SETD1A: variants seen among roughly 807,000 people sequenced by gnomAD.
SETD1A encodes the protein histone-lysine N-methyltransferase SETD1A.
Under a neutral mutation model 149.9 loss-of-function variants are expected in SETD1A, and 29 were observed. That is an observed-to-expected ratio of 0.19 (90% CI 0.14 to 0.26). The LOEUF is 0.26. Ranked by LOEUF, SETD1A falls within the 10% of genes least tolerant of loss-of-function variation. The pLI, the probability that SETD1A is intolerant of heterozygous loss-of-function variation, is 1.00. For synonymous variants in SETD1A, 1,141 were observed against 968.5 expected, an observed-to-expected ratio of 1.18 and a Z score of -3.31; for missense variants, 2,109 against 2,353.1, an observed-to-expected ratio of 0.90 and a Z score of 2.15.
rs2056010804 is a variant in SETD1A at position 30,959,146 on chromosome 16, C to T, written c.206C>T (p.Ser69Phe). The change falls in exon 3 of 19, where the codon TCC becomes TTC. Residue 69 changes from serine (S) to phenylalanine (F), a missense_variant. Ser to Phe is a radical substitution (Grantham distance 155). This residue lies in a region of SETD1A where 75 missense variants were observed against 95.3 expected (regional missense o/e 0.79). Coordinates refer to ENST00000262519, the MANE Select transcript of SETD1A (RefSeq NM_014712.3). ...DLQDPRCHVRSKNRDFSLPVP... is the reference protein window; with the variant it reads ...DLQDPRCHVRFKNRDFSLPVP... The stretch of plus-strand genomic sequence containing the variant: ...CAAGACCCCCGTTGCCATGTCAGGT[C>T]CAAAAACAGAGACTTTTCCCTCCCA... The T allele has an allele frequency of 6.2e-7, 1 of 1,613,670 alleles. No individual in the cohort carries two copies. The highest frequency in any genetic ancestry group is 8.5e-7 in the Non-Finnish European group (1 of 1,179,758).
In SETD1A at chr16:30,967,495, C is replaced by G. The variant is rs1394985371; in HGVS notation, c.2683-6C>G. The G allele has an allele frequency of 6.2e-7, 1 of 1,613,534 alleles. No individual in the cohort carries two copies. On this transcript the variant is annotated splice_region_variant and splice_polypyrimidine_tract_variant and intron_variant, in intron 9 of 18. Coordinates refer to ENST00000262519, the MANE Select transcript of SETD1A (RefSeq NM_014712.3). ...AAACAGGCCCCATCTTTTCCCCATC[C>G]CCCAGGTAAAGCGGAAAGAGCCATC...
chr16:30,963,712 G>A (rs927293570), intron 5 of SETD1A, among the ~76,000 whole-genome samples, 158 bp downstream of exon 5: 6 of 152,214 alleles, frequency 3.9e-5, no homozygotes, highest in African/African-American at 1.4e-4. Context: ...GGAACTAGGG[G>A]CCAGGCACAG....
At chr16:30,972,915 G>C (rs2056242933) in intron 13 of SETD1A, among the ~76,000 whole-genome samples, 1 of 152,232 alleles carries the variant, frequency 6.6e-6, no homozygotes, top group South Asian at 2.1e-4. Context: ...AGAAGCACCA[G>C]GAAGAGGCAC....
rs1351752474 is a variant in SETD1A, at chr16:30,983,099, G to A, written c.4813-536G>A. 3.9e-5 allele frequency among the ~76,000 whole-genome samples: 6 copies of A among 152,186 alleles called. No homozygotes were observed. The highest frequency in any genetic ancestry group is 1.4e-4 in the African/African-American group (6 of 41,448). ...CGGCTGAGGCTCTGGAAGGGAGTGA[G>A]GTCACCCGAGGAGGGCGTGCAGAGG... On this transcript the variant is annotated intron_variant, in intron 17 of 18. Transcript: ENST00000262519. This position sits in a 1 kb window ranked among gnomAD's most constrained non-coding sequence, Gnocchi z 6.8.
At position 30,965,044 on chromosome 16, in the gene SETD1A, C is replaced by T. The variant is rs767980289; in HGVS notation, c.1302C>T (p.Pro434=). The change falls in exon 7 of 19, where the codon CCC becomes CCT. Residue 434 remains proline (P), a synonymous_variant. Coordinates refer to ENST00000262519, the MANE Select transcript of SETD1A (RefSeq NM_014712.3). ...DYRPPASEAP[P]PEPPEPGGGG... ...GGCCTCCTGCCTCAGAGGCTCCACC[C>T]CCGGAGCCTCCAGAACCTGGTGGAG... 3 of 1,612,452 alleles carry T rather than the reference C, an allele frequency of 1.9e-6. No individual in the cohort carries two copies. The highest frequency in any genetic ancestry group is 8.5e-7 in the Non-Finnish European group (1 of 1,179,586).
At chr16:30,969,116 A>G (rs1260826101) in intron 10 of SETD1A, among the ~76,000 whole-genome samples, 189 bp from the exon 11 acceptor site, 1 of 152,152 alleles carries the variant, frequency 6.6e-6, no homozygotes, top group Non-Finnish European at 1.5e-5. Context: ...CCAAAAACAA[A>G]AACAAATACA....
At chr16:30,962,212 G>A (rs1437421059) in intron 4 of SETD1A, among the ~76,000 whole-genome samples, 1 of 151,820 alleles carries the variant, frequency 6.6e-6, no homozygotes, top group Non-Finnish European at 1.5e-5. Flanking sequence ...TTACATTTAT[G>A]CGCCACTACG....
At chr16:30,975,264 T>G (rs1367077975) in intron 13 of SETD1A, among the ~76,000 whole-genome samples, 2 of 151,738 alleles carry the variant, frequency 1.3e-5, no homozygotes, top group Non-Finnish European at 2.9e-5. Context: ...GAGCCGAAAT[T>G]GTACCACTGC....
chr16:30,959,247 G>A (rs1363926352), intron 3 of SETD1A, 61 bp downstream of exon 3: 3 of 1,062,718 alleles, frequency 2.8e-6, no homozygotes, highest in Non-Finnish European at 4.4e-6. Context: ...ATGCGTCTTG[G>A]CACTATAGCT....
chr16:30,960,726 CTTTCTTTTTT>C (rs2056040457), intron 3 of SETD1A, among the ~76,000 whole-genome samples: 4 of 116,462 alleles, frequency 3.4e-5, no homozygotes, highest in Non-Finnish European at 5.6e-5. Context: ...TTCTTTCTTT[CTTTCTTTTTT>C]TTTTTTTTTT....
At chr16:30,974,136 G>A (rs2056256925) in intron 13 of SETD1A, among the ~76,000 whole-genome samples, 1 of 152,134 alleles carries the variant, frequency 6.6e-6, no homozygotes, top group Admixed American at 6.6e-5. Context: ...GTGAGGATTG[G>A]AGGGAAATTT....
chr16:30,960,069 C>T (rs2056027955), intron 3 of SETD1A, among the ~76,000 whole-genome samples: 2 of 152,158 alleles, frequency 1.3e-5, no homozygotes, highest in Admixed American at 1.3e-4. Context: ...GTCACCGAAT[C>T]CTCCTGGCTC....
chr16:30,964,973 T>G lies in SETD1A; in HGVS notation c.1231T>G (p.Ser411Ala). 1 of 1,613,784 alleles carries G rather than the reference T, an allele frequency of 6.2e-7. No individual in the cohort carries two copies. The highest frequency in any genetic ancestry group is 8.5e-7 in the Non-Finnish European group (1 of 1,179,922). Residue 411 changes from serine (S) to alanine (A), a missense_variant, in exon 7 of 19, where the codon TCC becomes GCC. Transcript: ENST00000262519. Reference sequence around the variant, plus strand: ...TGAGCGCTTCCCACCTTCTTACACCTCCTACCTGCCCCCCGAGCCCAGCCG... The same window carrying G: ...TGAGCGCTTCCCACCTTCTTACACCGCCTACCTGCCCCCCGAGCCCAGCCG... Reference protein sequence around the residue: ...TAERFPPSYTSYLPPEPSRPT... With the variant: ...TAERFPPSYTAYLPPEPSRPT...
chr16:30,974,390 C>T (rs1238632372), intron 13 of SETD1A, among the ~76,000 whole-genome samples: 1 of 151,830 alleles, frequency 6.6e-6, no homozygotes, highest in Non-Finnish European at 1.5e-5. Flanking sequence ...CCCAGGTAGG[C>T]GAGTGGGGGG....
At chr16:30,973,258 G>A (rs2056246468) in intron 13 of SETD1A, among the ~76,000 whole-genome samples, 2 of 152,306 alleles carry the variant, frequency 1.3e-5, no homozygotes, top group Admixed American at 1.3e-4. Flanking sequence ...AAAAAATGCA[G>A]TGCAGAGAAA....
chr16:30,983,490 A>G lies in SETD1A; in HGVS notation c.4813-145A>G. Reference sequence around the variant, plus strand: ...GAGGGCTCCTGGAAGCAGAGTCGAGAGAGTCAGTGCCGGGTTAGCGGGAGC... The same window carrying G: ...GAGGGCTCCTGGAAGCAGAGTCGAGGGAGTCAGTGCCGGGTTAGCGGGAGC... On this transcript the variant is annotated intron_variant, in intron 17 of 18. Coordinates refer to ENST00000262519, the MANE Select transcript of SETD1A (RefSeq NM_014712.3). The surrounding 1 kb of genome is among the most constrained non-coding windows in gnomAD (Gnocchi z 6.8). 1 of 929,248 alleles carries G rather than the reference A, an allele frequency of 1.1e-6. No individual in the cohort carries two copies. Among genetic ancestry groups the G allele is most frequent in the South Asian group, 1.7e-5 (1 of 59,482 alleles). The allele number at this position is 929,248 out of a possible 1,614,324, so 57.6% of individuals were successfully genotyped here.
In SETD1A at chr16:30,965,825, ACCT is replaced by A. The variant is rs764608389; in HGVS notation, c.1950_1952del (p.Pro654del). On this transcript the variant is annotated inframe_deletion, in exon 8 of 19. Coordinates refer to ENST00000262519, the MANE Select transcript of SETD1A (RefSeq NM_014712.3). ...GGCCGCCGCCCCCTGAGTACCCCCCACCTCCTCCACCACCCCCGCACATCTATG... is the reference window on the plus strand; with the variant it reads ...GGCCGCCGCCCCCTGAGTACCCCCCACCTCCACCACCCCCGCACATCTATG... 3 of 871,764 alleles carry A rather than the reference ACCT, an allele frequency of 3.4e-6. No individual in the cohort carries two copies. The Admixed American group carries it at 9.7e-5, about 28-fold the overall frequency. The allele number at this position is 871,764 out of a possible 1,614,324, so 54.0% of individuals were successfully genotyped here.
intron 13 of SETD1A, among the ~76,000 whole-genome samples, chr16:30,976,780 C>G (rs951289980): frequency 1.3e-5 from 2 of 151,866 alleles, no homozygotes; most frequent in Admixed American, 6.6e-5. Context: ...GGTAAACAGG[C>G]GTGATTGCCA....
At chr16:30,959,408 G>A (rs559516598) in intron 3 of SETD1A, among the ~76,000 whole-genome samples, 1 of 152,206 alleles carries the variant, frequency 6.6e-6, no homozygotes, top group South Asian at 2.1e-4. Context: ...CTGGGGTGTC[G>A]ACTTCTTGAA....
Sources: allele counts gnomAD v4.1 joint callset (sites outside exome capture counted in the v4.1 genomes callset), GRCh38; gene constraint gnomAD v4.1.1; regional missense constraint gnomAD v4.1.1; non-coding constraint Gnocchi (gnomAD v3.1); transcripts MANE v1.5; gene names NCBI Gene and HGNC (gene_info 2026-07-23, HGNC 2026-07-21).